Variants in CHD1L observed in about 807,000 individuals in gnomAD.
CHD1L encodes the protein ATP-dependent chromatin remodeler CHD1L.
CHD1L carries 118 observed loss-of-function variants against 115.9 expected under a neutral mutation model. The ratio of observed to expected loss-of-function variants is 1.02; its 90% CI spans 0.88 to 1.19. CHD1L has a LOEUF of 1.19. Ranked by LOEUF, CHD1L falls within the 50% of genes most tolerant of loss-of-function variation. CHD1L has a pLI of 0.00. For missense variants in CHD1L, 1,179 were observed against 1,065.3 expected (o/e 1.11, Z -1.49); for synonymous variants, 411 against 387.1 (o/e 1.06, Z -0.72).
chr1:147,249,486 A>ACCT, intron 1 of CHD1L, among the ~76,000 whole-genome samples: 1 of 130,818 alleles, frequency 7.6e-6, no homozygotes, highest in South Asian at 2.4e-4. Context: ...GCTCACTGCA[A>ACCT]CCTCCGCCTC....
At chr1:147,239,832 C>A (rs60063927), upstream of CHD1L, among the ~76,000 whole-genome samples, 2,622 of 152,204 alleles carry the variant, frequency 0.017, 79 homozygotes, top group African/African-American at 0.06. Context: ...ATTTAAGTGG[C>A]AAGTGCTTGA....
the CHD1L span, among the ~76,000 whole-genome samples, chr1:147,173,771 C>T: frequency 3.8e-3 from 585 of 152,294 alleles, 2 homozygotes; most frequent in Non-Finnish European, 5.7e-3. Context: ...CCCCAGGGTT[C>T]TGAATCTGCA....
At chr1:147,241,813 A>G (rs1408472223), upstream of CHD1L, among the ~76,000 whole-genome samples, 6 of 152,196 alleles carry the variant, frequency 3.9e-5, no homozygotes, top group African/African-American at 1.2e-4. Flanking sequence ...TGAGAATACT[A>G]TTCTAATGAC....
chr1:147,175,334 A>G, the CHD1L span: 8 of 152,200 alleles, frequency 5.3e-5, no homozygotes, highest in Non-Finnish European at 8.8e-5. Context: ...TAAAATGGAA[A>G]AAACATAATG....
chr1:147,291,418 G>C (rs1466936989), intron 19 of CHD1L, 64 bp from the exon 20 acceptor site: 1 of 1,334,778 alleles, frequency 7.5e-7, no homozygotes, highest in East Asian at 2.3e-5. Flanking sequence ...GGCGAGATAC[G>C]AGGAGGATTC....
the CHD1L span, among the ~76,000 whole-genome samples, chr1:147,228,500 T>C: frequency 1.3e-5 from 2 of 152,336 alleles, no homozygotes; most frequent in Non-Finnish European, 2.9e-5. Flanking sequence ...AGCAGCATGA[T>C]TTATAATCCT....
the CHD1L span, among the ~76,000 whole-genome samples, chr1:147,235,137 TTC>T: frequency 8.6e-6 from 1 of 116,418 alleles, no homozygotes; most frequent in Non-Finnish European, 1.8e-5. Flanking sequence ...GTGTGTGTAT[TTC>T]TGTTTACTTT....
At chr1:147,258,915 A>G (rs587616023) in intron 5 of CHD1L, 1 of 152,306 alleles carries the variant, frequency 6.6e-6, no homozygotes, top group Non-Finnish European at 1.5e-5. Context: ...TATCTTTTGC[A>G]TGGCTTTCAC....
the CHD1L span, chr1:147,225,918 G>A: frequency 3.9e-5 from 6 of 152,292 alleles, no homozygotes; most frequent in South Asian, 1.2e-3. Context: ...AGGGGTCCAC[G>A]TGAAAGGGTC....
intron 6 of CHD1L, among the ~76,000 whole-genome samples, chr1:147,262,828 C>G (rs1216675716): frequency 2.6e-5 from 4 of 151,958 alleles, no homozygotes; most frequent in East Asian, 1.9e-4. Context: ...GCCCCCCCTC[C>G]AAATCAAAAT....
chr1:147,229,662 C>A, the CHD1L span, among the ~76,000 whole-genome samples: 1 of 151,998 alleles, frequency 6.6e-6, no homozygotes, highest in Non-Finnish European at 1.5e-5. Flanking sequence ...TCTTCCATTT[C>A]TTTGTATCCT....
chr1:147,237,625 T>C, the CHD1L span, among the ~76,000 whole-genome samples: 1 of 152,128 alleles, frequency 6.6e-6, no homozygotes, highest in Admixed American at 6.5e-5. Flanking sequence ...GCCACCCCCA[T>C]TGCAAGTGGC....
rs1294338469 is a variant in CHD1L, at chr1:147,293,666, T to A, written c.2450T>A (p.Met817Lys). 2 of 1,614,030 alleles carry A rather than the reference T, an allele frequency of 1.2e-6. No individual in the cohort carries two copies. Among genetic ancestry groups the A allele is most frequent in the Non-Finnish European group, 1.7e-6 (2 of 1,180,018 alleles). Residue 817 changes from methionine to lysine, a missense_variant, in exon 21 of 23, where the codon ATG (methionine) becomes AAG (lysine). Met to Lys is a moderately conservative substitution (Grantham distance 95). Coordinates refer to ENST00000369258, the MANE Select transcript of CHD1L (RefSeq NM_004284.6). ...TCCAATGTCCTGTCTGGCATTAAGA[T>A]GGCAGCCCTAGAAGAGGGCCTGAAG... is the stretch of plus-strand genomic sequence containing the variant. ...DRSNVLSGIK[M>K]AALEEGLKKI...
In CHD1L at chr1:147,295,575, A is replaced by T. The variant is rs1687240873; in HGVS notation, c.*66A>T. 1 of 1,154,130 alleles carries T rather than the reference A, an allele frequency of 8.7e-7. No individual in the cohort carries two copies. The highest frequency in any genetic ancestry group is 1.2e-6 in the Non-Finnish European group (1 of 800,468). The allele number at this position is 1,154,130 out of a possible 1,614,324, so 71.5% of individuals were successfully genotyped here. A position where few individuals can be genotyped will look rare whatever the true frequency, so the allele number is the denominator to read the frequency against. On this transcript the variant is annotated 3_prime_UTR_variant, in exon 23 of 23. Coordinates refer to ENST00000369258, the MANE Select transcript of CHD1L (RefSeq NM_004284.6). ...AATATTTACCCAGAGGTACTGCAAT[A>T]GAGTATTTCAAAATGGAATCAGGAT...
Position 147,272,270 on chromosome 1 carries a change from G to A in CHD1L, c.1259G>A (p.Ser420Asn), listed in dbSNP as rs1676541454. Residue 420 changes from serine to asparagine, a missense_variant, in exon 12 of 23, where the codon AGT becomes AAT. Transcript: ENST00000369258. ...CAGCCCATTTTCGTTTTTCTCCTGA[G>A]TACTAGGGCAGGTAGGCTGCAAAGG... ...GQQPIFVFLL[S>N]TRAGGVGMNL... The A allele has an allele frequency of 6.2e-7, 1 of 1,612,298 alleles. No individual in the cohort carries two copies. Among genetic ancestry groups the A allele is most frequent in the Admixed American group, 1.7e-5 (1 of 60,020 alleles).
chr1:147,266,883 T>C (rs1553948813), intron 8 of CHD1L, among the ~76,000 whole-genome samples: 2 of 152,226 alleles, frequency 1.3e-5, no homozygotes, highest in African/African-American at 4.8e-5. Flanking sequence ...CGTTAATATT[T>C]TACTGTGCCA....
At chr1:147,180,479 G>T in the CHD1L span, among the ~76,000 whole-genome samples, 1 of 152,184 alleles carries the variant, frequency 6.6e-6, no homozygotes, top group African/African-American at 2.4e-5. Context: ...TTTTAGTAGA[G>T]ATGGGGTTTC....
chr1:147,207,116 C>T, the CHD1L span, among the ~76,000 whole-genome samples: 5 of 152,002 alleles, frequency 3.3e-5, no homozygotes, highest in East Asian at 5.8e-4. Context: ...AAATTTCCCA[C>T]GTGTGATAAT....
the CHD1L span, chr1:147,215,650 C>A: frequency 1.2e-6 from 1 of 807,058 alleles, no homozygotes; most frequent in Non-Finnish European, 2.0e-6. Context: ...AATACATGTG[C>A]AAATCAAGCC....
Sources: gnomAD v4.1 joint callset for allele counts (sites outside exome capture counted in the v4.1 genomes callset) on GRCh38, gnomAD v4.1.1 for gene constraint, MANE v1.5 for transcripts, NCBI Gene and HGNC (gene_info 2026-07-23, HGNC 2026-07-21) for gene names.